Variants in CAPN12 observed in about 807,000 individuals in gnomAD.
CAPN12 encodes the protein calpain-12.
In CAPN12, 107 loss-of-function variants were observed where a neutral mutation model predicts 95.0. The observed-to-expected ratio is 1.13, with a 90% confidence interval of 0.96 to 1.32. The LOEUF (loss-of-function observed/expected upper bound fraction) is 1.32. Ranked by LOEUF, CAPN12 falls within the 40% of genes most tolerant of loss-of-function variation. The probability of loss-of-function intolerance (pLI) is 0.00; values close to 1 mark genes in which losing one functional copy is unlikely to be tolerated. For synonymous variants in CAPN12, 505 were observed against 415.5 expected (o/e 1.22, Z -2.62); for missense variants, 1,136 against 997.8 (o/e 1.14, Z -1.87).
rs775905403 is a variant in CAPN12 at position 38,734,888 on chromosome 19, G to T, written c.1687-18C>A. 22 of 1,611,840 alleles carry T rather than the reference G, an allele frequency of 1.4e-5. No homozygotes were observed. The East Asian group carries it at 4.9e-4, about 36-fold the overall frequency. ...TCTTCCTCCTAGTCCAGGAAAGAGGGCTTGTGAGGCCATTTACTCATCCAG... is the reference window on the plus strand; with the variant it reads ...TCTTCCTCCTAGTCCAGGAAAGAGGTCTTGTGAGGCCATTTACTCATCCAG... On this transcript the variant is annotated intron_variant, in intron 14 of 20. Coordinates refer to ENST00000328867, the MANE Select transcript of CAPN12 (RefSeq NM_144691.4).
intron 4 of CAPN12, among the ~76,000 whole-genome samples, chr19:38,740,660 C>T (rs925555351): frequency 4.6e-5 from 7 of 152,122 alleles, no homozygotes; most frequent in Non-Finnish European, 5.9e-5. Context: ...ATTAGCTGGG[C>T]GTGGTGGCAC....
chr19:38,736,620 G>T, intron 10 of CAPN12, 57 bp from the exon 11 acceptor site: 2 of 1,566,392 alleles, frequency 1.3e-6, no homozygotes, highest in East Asian at 4.6e-5. Flanking sequence ...CGCCGCTCAG[G>T]GTCTCCTCCC....
In CAPN12 at chr19:38,736,288, G is replaced by A. The variant is rs199893946; in HGVS notation, c.1405C>T (p.His469Tyr). ...CGCAGCAGCCGGGGCAGGAGCGCAT[G>A]GCTGCGCGGGGAATCCCAGAGGCCC... is the stretch of plus-strand genomic sequence containing the variant. ...LLGLWDSPRS[H>Y]ALLPRLLRAD... Residue 469 changes from histidine to tyrosine, a missense_variant, in exon 12 of 21, where the codon CAT (histidine) becomes TAT (tyrosine). By Grantham distance (83) the His-to-Tyr change is moderately conservative. Transcript: ENST00000328867. The A allele has an allele frequency of 6.5e-3, 9,346 of 1,443,166 alleles. 27 individuals are homozygous for A. Among genetic ancestry groups the A allele is most frequent in the Non-Finnish European group, 8.1e-3 (8,904 of 1,105,528 alleles). The allele number at this position is 1,443,166 out of a possible 1,614,324, so 89.4% of individuals were successfully genotyped here.
chr19:38,734,366 T>G lies in CAPN12; in HGVS notation c.1768A>C (p.Arg590=). The change falls in exon 16 of 21, where the codon AGA becomes CGA. Residue 590 remains arginine (R), a synonymous_variant. Coordinates refer to ENST00000328867, the MANE Select transcript of CAPN12 (RefSeq NM_144691.4). ...TCACAGGTCCTGAGCCCGATCTCTCTGGGGGTGGAGGTATGGGCCCTGGCT... is the reference window on the plus strand; with the variant it reads ...TCACAGGTCCTGAGCCCGATCTCTCGGGGGGTGGAGGTATGGGCCCTGGCT... The part of the protein sequence containing the change: ...EPARAHTSTP[R]EIGLRTCEQL... The G allele has an allele frequency of 8.7e-6, 14 of 1,605,764 alleles. No homozygotes were observed. Among genetic ancestry groups the G allele is most frequent in the Non-Finnish European group, 1.1e-5 (13 of 1,175,644 alleles).
At chr19:38,742,366 A>G in intron 3 of CAPN12, 44 bp downstream of exon 3, 1 of 1,335,816 alleles carries the variant, frequency 7.5e-7, no homozygotes, top group Non-Finnish European at 1.1e-6. Flanking sequence ...TCACCAAGTC[A>G]CCATGGGGGA....
Position 38,731,095 on chromosome 19 carries a change from G to T in CAPN12, c.2074+12C>A, listed in dbSNP as rs368072860. Reference sequence around the variant, plus strand: ...TTCCCCCCATGCCCCACCATGCCGGGGTGGTACTCACAGAAGATGCAGGTG... The same window carrying T: ...TTCCCCCCATGCCCCACCATGCCGGTGTGGTACTCACAGAAGATGCAGGTG... On this transcript the variant is annotated intron_variant, in intron 19 of 20. Coordinates refer to ENST00000328867, the MANE Select transcript of CAPN12 (RefSeq NM_144691.4). 133 of 1,606,406 alleles carry T rather than the reference G, an allele frequency of 8.3e-5. No individual in the cohort carries two copies. Among genetic ancestry groups the T allele is most frequent in the Non-Finnish European group, 1.1e-4 (130 of 1,177,062 alleles).
rs1226421645 is a variant in CAPN12, at chr19:38,730,978, A to C, written c.2120T>G (p.Leu707Arg). ...HLDGGEGVIC[L>R]THRQWMEVAT... is the part of the protein sequence containing the mutation. ...CACCTGGCTCACCTGTCTGTGGGTC[A>C]GGCAGATGACCCCCTCACCCCCATC... Residue 707 changes from leucine to arginine, a missense_variant, in exon 20 of 21, where the codon CTG becomes CGG. By Grantham distance (102) the Leu-to-Arg change is moderately radical. Coordinates refer to ENST00000328867, the MANE Select transcript of CAPN12 (RefSeq NM_144691.4). The C allele has an allele frequency of 2.6e-6, 4 of 1,550,912 alleles. No homozygotes were observed. Among genetic ancestry groups the C allele is most frequent in the Middle Eastern group, 3.3e-4 (2 of 6,012 alleles).
At chr19:38,736,687 T>C in intron 10 of CAPN12, 124 bp from the exon 11 acceptor site, 1 of 1,212,836 alleles carries the variant, frequency 8.2e-7, no homozygotes, top group Middle Eastern at 2.0e-4. Context: ...AGACCCTTAT[T>C]GAACCTTTGC....
intron 17 of CAPN12, 157 bp downstream of exon 17, chr19:38,733,985 G>A: frequency 1.2e-6 from 1 of 846,624 alleles, no homozygotes; most frequent in Non-Finnish European, 1.8e-6. Context: ...ACAAGCTGAG[G>A]CTGGGTGGGG....
rs1969856473 is a variant in CAPN12 at position 38,734,329 on chromosome 19, T to G, written c.1805A>C (p.Gln602Pro). Reference protein sequence around the residue: ...IGLRTCEQLLQCFGHGQSLAL... With the variant: ...IGLRTCEQLLPCFGHGQSLAL... ...CTGCCCCCCATGTACCCCGAAACACTGCAGCAGCTGCTCACAGGTCCTGAG... is the reference window on the plus strand; with the variant it reads ...CTGCCCCCCATGTACCCCGAAACACGGCAGCAGCTGCTCACAGGTCCTGAG... The change falls in exon 16 of 21, where the codon CAG becomes CCG. Residue 602 changes from glutamine to proline, a missense_variant. By Grantham distance (76) the Gln-to-Pro change is moderately conservative (BLOSUM62 -1). Coordinates refer to ENST00000328867, the MANE Select transcript of CAPN12 (RefSeq NM_144691.4). The G allele has an allele frequency of 6.2e-7, 1 of 1,607,894 alleles. No individual in the cohort carries two copies. Among genetic ancestry groups the G allele is most frequent in the Non-Finnish European group, 8.5e-7 (1 of 1,176,876 alleles).
In CAPN12 at chr19:38,732,739, A is replaced by C. The variant is rs77490818; in HGVS notation, c.1957+964T>G. Among the ~76,000 whole-genome samples the C allele has an allele frequency of 1.0e-2, 1,515 of 152,134 alleles. 12 individuals carry two copies. Among genetic ancestry groups the C allele is most frequent in the Middle Eastern group, 0.024 (7 of 294 alleles). On this transcript the variant is annotated intron_variant, in intron 18 of 20. Transcript: ENST00000328867. ...TCTCCGACTCCATCACAGTCACCCC[A>C]GCCCCCATCTCCCTGTGGCTCCATC... is the stretch of plus-strand genomic sequence containing the variant.
At position 38,736,166 on chromosome 19, in the gene CAPN12, G is replaced by A. The variant is rs757041634; in HGVS notation, c.1527C>T (p.Ala509=). 110 of 1,513,558 alleles carry A rather than the reference G, an allele frequency of 7.3e-5. No homozygotes were observed. Among genetic ancestry groups the A allele is most frequent in the Admixed American group, 2.1e-4 (10 of 48,438 alleles). The allele number at this position is 1,513,558 out of a possible 1,614,324, so 93.8% of individuals were successfully genotyped here. ...HYLVVPSTAH[A]GDEADFTLRV... ...GCAGAGTGAAGTCAGCCTCGTCGCC[G>A]GCGTGGGCGGTGCTCGGCACCACCA... The change falls in exon 12 of 21, where the codon GCC becomes GCT. Residue 509 remains alanine, a synonymous_variant. Transcript: ENST00000328867.
chr19:38,740,288 C>G, intron 4 of CAPN12, 69 bp from the exon 5 acceptor site: 1 of 1,399,044 alleles, frequency 7.1e-7, no homozygotes, highest in East Asian at 2.5e-5. Context: ...GCCCTGGGAT[C>G]TGCAGGGGCC....
chr19:38,730,863 T>C lies in CAPN12; in HGVS notation c.2149A>G (p.Thr717Ala), dbSNP rs1276445692. The change falls in exon 21 of 21, where the codon ACC (threonine) becomes GCC (alanine). Residue 717 changes from threonine (T) to alanine (A), a missense_variant. By Grantham distance (58) the Thr-to-Ala change is moderately conservative. Transcript: ENST00000328867. The stretch of plus-strand genomic sequence containing the variant: ...CCCATCCGGAGATCCTAGGAGAAGG[T>C]GGCCACCTCCATCCACTAAGGAAGA... ...LTHRQWMEVATFS is the reference protein window; with the variant it reads ...LTHRQWMEVAAFS The C allele has an allele frequency of 1.9e-6, 3 of 1,551,274 alleles. No homozygotes were observed. Among genetic ancestry groups the C allele is most frequent in the South Asian group, 2.4e-5 (2 of 84,090 alleles).
Position 38,735,442 on chromosome 19 carries a change from G to A in CAPN12, c.1627-13C>T, listed in dbSNP as rs575478226. On this transcript the variant is annotated splice_polypyrimidine_tract_variant and intron_variant, in intron 13 of 20. Coordinates refer to ENST00000328867, the MANE Select transcript of CAPN12 (RefSeq NM_144691.4). ...GCAGGTAGGGGCCCTGCCGCATGGC[G>A]GAAGTTTAGCGCTGGCCAAGATCCC... 23 of 1,610,930 alleles carry A rather than the reference G, an allele frequency of 1.4e-5. No individual in the cohort carries two copies. In the African/African-American group the frequency reaches 1.5e-4, roughly 10 times the overall value.
chr19:38,732,727 C>T (rs1039914365), intron 18 of CAPN12, among the ~76,000 whole-genome samples: 2 of 152,204 alleles, frequency 1.3e-5, no homozygotes, highest in Admixed American at 1.3e-4. Context: ...CCGACTCCAT[C>T]ACAGTCACCC....
At chr19:38,735,189 G>A (rs1969931963) in intron 14 of CAPN12, 181 bp downstream of exon 14, 1 of 646,074 alleles carries the variant, frequency 1.5e-6, no homozygotes, top group Non-Finnish European at 2.7e-6. Flanking sequence ...GGTATGGACT[G>A]AGCCCAAGGC....
At chr19:38,742,294 A>C (rs1599934694) in intron 3 of CAPN12, 116 bp downstream of exon 3, 4 of 817,948 alleles carry the variant, frequency 4.9e-6, no homozygotes, top group South Asian at 1.5e-5. Flanking sequence ...GTGCCACTGC[A>C]CTCCAGCCTG....
chr19:38,739,890 C>G, intron 5 of CAPN12, 161 bp downstream of exon 5: 1 of 697,784 alleles, frequency 1.4e-6, no homozygotes, highest in Non-Finnish European at 2.2e-6. Context: ...GCCCCTGATT[C>G]ATGAGAGCAA....
Sources: gnomAD v4.1 joint callset for allele counts (sites outside exome capture counted in the v4.1 genomes callset) on GRCh38, gnomAD v4.1.1 for gene constraint, MANE v1.5 for transcripts, NCBI Gene and HGNC (gene_info 2026-07-23, HGNC 2026-07-21) for gene names.